NME5: variants seen among roughly 807,000 people sequenced by gnomAD.
The protein encoded by NME5 is NME/NM23 family member 5, also known as nucleoside diphosphate kinase 5.
In NME5, 18 loss-of-function variants were observed where a neutral mutation model predicts 21.6. The ratio of observed to expected loss-of-function variants is 0.83; its 90% CI spans 0.58 to 1.24. NME5 has a LOEUF of 1.24. NME5 is among the 50% of genes most tolerant of loss of function. NME5 has a pLI of 0.00. For synonymous variants in NME5, 70 were observed against 80.6 expected (o/e 0.87, Z 0.71); for missense variants, 223 against 255.4 (o/e 0.87, Z 0.86).
intron 5 of NME5, among the ~76,000 whole-genome samples, chr5:138,117,279 T>C (rs1009190672): frequency 7.4e-5 from 11 of 148,646 alleles, no homozygotes; most frequent in African/African-American, 2.7e-4. Context: ...TAAATTTTCA[T>C]GACCTTGGAT....
At chr5:138,123,417 CCGAGTT>C (rs1751330492) in intron 4 of NME5, among the ~76,000 whole-genome samples, 1 of 152,096 alleles carries the variant, frequency 6.6e-6, no homozygotes, top group East Asian at 1.9e-4. Context: ...ATTCTACTCT[CCGAGTT>C]CAAGTTTTTT....
rs1055272155 is a variant in NME5, at chr5:138,118,494, T to A, written c.555+324A>T. 1.0e-4 allele frequency among the ~76,000 whole-genome samples: 15 copies of A among 148,820 alleles called. No individual in the cohort carries two copies. In the East Asian group the frequency reaches 1.2e-3, roughly 12 times the overall value. ...TACAGACAATTTATAGAAAAAAAAA[T>A]TTTTTTTTTGAGATGGAGTCTTGCT... On this transcript the variant is annotated intron_variant, in intron 5 of 5. Coordinates refer to ENST00000265191, the MANE Select transcript of NME5 (RefSeq NM_003551.3).
In NME5 at chr5:138,138,865, T is replaced by A. The variant is rs1438196421; in HGVS notation, c.-5-80A>T. Reference sequence around the variant, plus strand: ...CATTTCCCCCCACCCCCATCGCAAATTCAATGTAATTATGATTAAGAATAG... The same window carrying A: ...CATTTCCCCCCACCCCCATCGCAAAATCAATGTAATTATGATTAAGAATAG... On this transcript the variant is annotated intron_variant, in intron 1 of 5. Coordinates refer to ENST00000265191, the MANE Select transcript of NME5 (RefSeq NM_003551.3). 3 of 1,270,216 alleles carry A rather than the reference T, an allele frequency of 2.4e-6. No individual in the cohort carries two copies. In the Admixed American group the frequency reaches 6.9e-5, roughly 29 times the overall value. The allele number at this position is 1,270,216 out of a possible 1,614,324, so 78.7% of individuals were successfully genotyped here.
chr5:138,116,050 G>C (rs1250270558), intron 5 of NME5, among the ~76,000 whole-genome samples: 1 of 152,166 alleles, frequency 6.6e-6, no homozygotes, highest in African/African-American at 2.4e-5. Context: ...CAGCGAAGAT[G>C]TAGGTTACAA....
intron 4 of NME5, among the ~76,000 whole-genome samples, chr5:138,123,333 C>T (rs865867559): frequency 1.6e-4 from 24 of 152,162 alleles, no homozygotes; most frequent in African/African-American, 5.3e-4. Flanking sequence ...CTTATTCCTA[C>T]TATCACAGGA....
At chr5:138,119,119 T>A (rs1403298837) in intron 4 of NME5, among the ~76,000 whole-genome samples, 183 bp from the exon 5 acceptor site, 1 of 152,138 alleles carries the variant, frequency 6.6e-6, no homozygotes, top group Non-Finnish European at 1.5e-5. Flanking sequence ...AACCTCCTCC[T>A]GGGTTCATGT....
intron 2 of NME5, among the ~76,000 whole-genome samples, chr5:138,131,380 A>C (rs1331978196): frequency 6.9e-6 from 1 of 144,210 alleles, no homozygotes; most frequent in Non-Finnish European, 1.5e-5. Context: ...AAACTCCGTC[A>C]AAAAAAAAAA....
intron 4 of NME5, chr5:138,127,363 C>G (rs564651046): frequency 3.9e-6 from 2 of 518,306 alleles, no homozygotes; most frequent in Admixed American, 6.4e-5. Context: ...AACAGTGATA[C>G]TGTTGTATCA....
chr5:138,129,215 T>G lies in NME5; in HGVS notation c.335+48A>C, dbSNP rs747077490. 3.7e-6 allele frequency: 5 copies of G among 1,342,786 alleles called. No homozygotes were observed. In the South Asian group the frequency reaches 6.4e-5, roughly 17 times the overall value. The allele number at this position is 1,342,786 out of a possible 1,614,324, so 83.2% of individuals were successfully genotyped here. A position where few individuals can be genotyped will look rare whatever the true frequency, so the allele number is the denominator to read the frequency against. ...GAAATCAGATTTTTTTTTTTCATTT[T>G]CACAGATGGATTCCATTCCCTGCCA... On this transcript the variant is annotated intron_variant, in intron 3 of 5. Transcript: ENST00000265191.
chr5:138,132,043 C>A (rs1386861222), intron 2 of NME5, among the ~76,000 whole-genome samples: 2 of 152,158 alleles, frequency 1.3e-5, no homozygotes, highest in Non-Finnish European at 2.9e-5. Flanking sequence ...CCGCGCCCGG[C>A]CTTGAGAGCT....
rs1333864474 is a variant in NME5 at position 138,129,407 on chromosome 5, T to C, written c.191A>G (p.Lys64Arg). ...CSNFYVEKYG[K>R]MFFPNLTAYM... is the part of the protein sequence containing the mutation. ...AGCTGTTAAGTTGGGGAAAAACATT[T>C]TTCCATACTTTTCCACATAAAAGTT... The change falls in exon 3 of 6, where the codon AAA becomes AGA. Residue 64 changes from lysine (K) to arginine (R), a missense_variant. Transcript: ENST00000265191. 5 of 1,614,118 alleles carry C rather than the reference T, an allele frequency of 3.1e-6. No homozygotes were observed. The highest frequency in any genetic ancestry group is 2.2e-5 in the East Asian group (1 of 44,870).
chr5:138,139,149 CG>C, intron 1 of NME5: 1 of 116,220 alleles, frequency 8.6e-6, no homozygotes, highest in South Asian at 2.9e-4. Context: ...GGCGGTAGAG[CG>C]GGTGGTGGGG....
Position 138,138,737 on chromosome 5 carries a change from GT to G in NME5, c.43del (p.Thr15LeufsTer56). The G allele has an allele frequency of 1.2e-6, 2 of 1,612,642 alleles. No individual in the cohort carries two copies. Among genetic ancestry groups the G allele is most frequent in the Non-Finnish European group, 8.5e-7 (1 of 1,179,454 alleles). On this transcript the variant is annotated frameshift_variant, in exon 2 of 6. Coordinates refer to ENST00000265191, the MANE Select transcript of NME5 (RefSeq NM_003551.3). LOFTEE classifies it high-confidence loss of function. ...AATATCTGGTTTGATAATGGCCAGA[GT>G]TTTTTCTACATATATCTGAGGTGGA... ...MPPPQIYVEK[T>X]LAIIKPDIVD...
intron 2 of NME5, 57 bp downstream of exon 2, chr5:138,138,595 A>ATTTTT: frequency 8.5e-7 from 1 of 1,181,528 alleles, no homozygotes; most frequent in Non-Finnish European, 1.2e-6. Flanking sequence ...TTACATAAGC[A>ATTTTT]TTTTTTTTTT....
intron 2 of NME5, among the ~76,000 whole-genome samples, chr5:138,132,977 T>C (rs1437310594): frequency 6.6e-6 from 1 of 151,852 alleles, no homozygotes; most frequent in East Asian, 1.9e-4. Flanking sequence ...AGTTTAAAAA[T>C]AAAATCTCAT....
At position 138,138,785 on chromosome 5, in the gene NME5, G is replaced by A. The variant is rs1474403012; in HGVS notation, c.-5C>T. 2.5e-6 allele frequency: 4 copies of A among 1,598,736 alleles called. No individual in the cohort carries two copies. The highest frequency in any genetic ancestry group is 3.4e-6 in the Non-Finnish European group (4 of 1,176,014). ...TGGAGGCATTGATATCTCCATTATGGCTTTTCAGGGCACAAATTAAGAGTT... is the reference window on the plus strand; with the variant it reads ...TGGAGGCATTGATATCTCCATTATGACTTTTCAGGGCACAAATTAAGAGTT... On this transcript the variant is annotated splice_region_variant and 5_prime_UTR_variant, in exon 2 of 6. Coordinates refer to ENST00000265191, the MANE Select transcript of NME5 (RefSeq NM_003551.3).
At position 138,121,172 on chromosome 5, in the gene NME5, GAT is replaced by G. The variant is rs151283026; in HGVS notation, c.437-2238_437-2237del. On this transcript the variant is annotated intron_variant, in intron 4 of 5. Coordinates refer to ENST00000265191, the MANE Select transcript of NME5 (RefSeq NM_003551.3). ...AAGACTCTGTCTCTTAAAAAAAAAA[GAT>G]ATATATATATATCATTTTTGGGGGA... is the stretch of plus-strand genomic sequence containing the variant. Among the ~76,000 whole-genome samples, 8 of 150,762 alleles carry G rather than the reference GAT, an allele frequency of 5.3e-5. No homozygotes were observed. The South Asian group carries it at 6.3e-4, about 12-fold the overall frequency.
chr5:138,136,830 A>G (rs1389230298), intron 2 of NME5, among the ~76,000 whole-genome samples: 1 of 151,714 alleles, frequency 6.6e-6, no homozygotes, highest in African/African-American at 2.4e-5. Flanking sequence ...TTTAGTAGAG[A>G]TGGGGTTTCT....
Position 138,133,059 on chromosome 5 carries a change from C to T in NME5, c.130-3591G>A, listed in dbSNP as rs577467276. Reference sequence around the variant, plus strand: ...GGGGAACCTACCTTCTGCAGGTATGCCAGCCAATGTAGCACAATTTTTAAA... The same window carrying T: ...GGGGAACCTACCTTCTGCAGGTATGTCAGCCAATGTAGCACAATTTTTAAA... On this transcript the variant is annotated intron_variant, in intron 2 of 5. Transcript: ENST00000265191. 1.3e-4 allele frequency among the ~76,000 whole-genome samples: 20 copies of T among 151,954 alleles called. 1 individual carries two copies. The South Asian group carries it at 3.9e-3, about 30-fold the overall frequency.
Sources: gnomAD v4.1 joint callset for allele counts (sites outside exome capture counted in the v4.1 genomes callset) on GRCh38, gnomAD v4.1.1 for gene constraint, MANE v1.5 for transcripts, NCBI Gene and HGNC (gene_info 2026-07-23, HGNC 2026-07-21) for gene names.